Variants in PYGB observed in about 807,000 individuals in gnomAD.
PYGB encodes glycogen phosphorylase, brain form.
In PYGB, 82 loss-of-function variants were observed where a neutral mutation model predicts 94.3. The ratio of observed to expected loss-of-function variants is 0.87; its 90% CI spans 0.73 to 1.04. The LOEUF (loss-of-function observed/expected upper bound fraction) is 1.04. Ranked by LOEUF, PYGB falls within the 50% of genes least tolerant of loss-of-function variation. PYGB has a pLI of 0.00. For missense variants in PYGB, 1,132 were observed against 1,158.2 expected (o/e 0.98, Z 0.33); for synonymous variants, 488 against 479.1 (o/e 1.02, Z -0.24).
intron 15 of PYGB, 76 bp from the exon 16 acceptor site, chr20:25,290,405 C>T (rs2088455719): frequency 1.9e-6 from 3 of 1,549,272 alleles, no homozygotes; most frequent in East Asian, 2.3e-5. Flanking sequence ...CCCCTACAGA[C>T]CCCAGGAACC....
At chr20:25,289,056 C>T (rs1380006998) in intron 15 of PYGB, among the ~76,000 whole-genome samples, 2 of 152,198 alleles carry the variant, frequency 1.3e-5, no homozygotes, top group Admixed American at 1.3e-4. Context: ...CTAAGTGAGT[C>T]TGGACTGTGT....
At position 25,297,517 on chromosome 20, in the gene PYGB, C is replaced by G. The variant is rs2145908727; in HGVS notation, c.*995C>G. ...CTTTCCACCAGTGCCACAGCCTCGT[C>G]TGGAAAAAGGACCAGGGGTCCCGGA... On this transcript the variant is annotated 3_prime_UTR_variant, in exon 20 of 20. Coordinates refer to ENST00000216962, the MANE Select transcript of PYGB (RefSeq NM_002862.4). 1 of 152,484 alleles carries G rather than the reference C, an allele frequency of 6.6e-6. No individual in the cohort carries two copies. The highest frequency in any genetic ancestry group is 1.5e-5 in the Non-Finnish European group (1 of 68,138). The allele number at this position is 152,484 out of a possible 1,614,324, so 9.4% of individuals were successfully genotyped here.
rs145322755 is a variant in PYGB, at chr20:25,278,890, C to T, written c.1000-167C>T. On this transcript the variant is annotated intron_variant, in intron 8 of 19. Coordinates refer to ENST00000216962, the MANE Select transcript of PYGB (RefSeq NM_002862.4). Reference sequence around the variant, plus strand: ...GCGCACACCTGCCACAGTGCGAGCCCGACTGTCCTCCCTGCTCCCTCCACA... The same window carrying T: ...GCGCACACCTGCCACAGTGCGAGCCTGACTGTCCTCCCTGCTCCCTCCACA... Among the ~76,000 whole-genome samples the T allele has an allele frequency of 1.8e-3, 271 of 151,408 alleles. 1 individual carries two copies. The highest frequency in any genetic ancestry group is 6.3e-3 in the African/African-American group (261 of 41,360).
At position 25,283,772 on chromosome 20, in the gene PYGB, TCTC is replaced by T. The variant is rs1256049546; in HGVS notation, c.1621-329_1621-327del. On this transcript the variant is annotated intron_variant, in intron 13 of 19. Transcript: ENST00000216962. ...CCTCCTCATAGAGGCCAGAACTAGT[TCTC>T]CTTGTAGTCCTTTCAGCCGTCCCGC... 2.6e-5 allele frequency among the ~76,000 whole-genome samples: 4 copies of T among 152,242 alleles called. No homozygotes were observed. The East Asian group carries it at 5.8e-4, about 22-fold the overall frequency.
At chr20:25,281,596 CG>C (rs1339139323) in intron 11 of PYGB, among the ~76,000 whole-genome samples, 1 of 152,350 alleles carries the variant, frequency 6.6e-6, no homozygotes, top group African/African-American at 2.4e-5. Flanking sequence ...CCGGCGGGAG[CG>C]GAGGCTGTGC....
intron 1 of PYGB, among the ~76,000 whole-genome samples, chr20:25,249,778 A>T (rs1295162800): frequency 6.6e-6 from 1 of 152,186 alleles, no homozygotes; most frequent in Non-Finnish European, 1.5e-5. Context: ...TGACTTTGCC[A>T]GGAAAAGCAG....
At chr20:25,285,948 G>A (rs534963691) in intron 14 of PYGB, among the ~76,000 whole-genome samples, 2 of 152,176 alleles carry the variant, frequency 1.3e-5, no homozygotes, top group Non-Finnish European at 2.9e-5. Flanking sequence ...AAACGGCCTG[G>A]ACCCTTCACC....
At chr20:25,272,316 T>G (rs967092030) in intron 4 of PYGB, among the ~76,000 whole-genome samples, 2 of 151,972 alleles carry the variant, frequency 1.3e-5, no homozygotes, top group Non-Finnish European at 2.9e-5. Context: ...ATCCTTGGGG[T>G]GGGAGTGGCA....
At position 25,297,523 on chromosome 20, in the gene PYGB, A is replaced by G. The variant is rs1276997149; in HGVS notation, c.*1001A>G. 6.6e-6 allele frequency: 1 copy of G among 152,348 alleles called. No individual in the cohort carries two copies. Among genetic ancestry groups the G allele is most frequent in the Non-Finnish European group, 1.5e-5 (1 of 68,132 alleles). 9.4% of individuals were successfully genotyped at this position (152,348 alleles called of 1,614,324 possible). On this transcript the variant is annotated 3_prime_UTR_variant, in exon 20 of 20. Coordinates refer to ENST00000216962, the MANE Select transcript of PYGB (RefSeq NM_002862.4). Reference sequence around the variant, plus strand: ...ACCAGTGCCACAGCCTCGTCTGGAAAAAGGACCAGGGGTCCCGGAGGAACC... The same window carrying G: ...ACCAGTGCCACAGCCTCGTCTGGAAGAAGGACCAGGGGTCCCGGAGGAACC...
chr20:25,248,148 C>G lies in PYGB; in HGVS notation c.-31C>G, dbSNP rs2092875844. The G allele has an allele frequency of 6.4e-7, 1 of 1,564,800 alleles. No homozygotes were observed. On this transcript the variant is annotated 5_prime_UTR_variant, in exon 1 of 20. Transcript: ENST00000216962. ...TCGCGTGTGCCGCCGCTTTCCTCCT[C>G]CATCTCTTTTCCTCCGCCTCCGCCG... is the stretch of plus-strand genomic sequence containing the variant.
At chr20:25,257,307 C>T (rs1265488891) in intron 1 of PYGB, among the ~76,000 whole-genome samples, 1 of 152,220 alleles carries the variant, frequency 6.6e-6, no homozygotes, top group African/African-American at 2.4e-5. Flanking sequence ...GCCTTGGGGG[C>T]TGTGCTTCAG....
intron 17 of PYGB, 29 bp from the exon 18 acceptor site, chr20:25,294,129 C>T (rs761242811): frequency 6.2e-7 from 1 of 1,610,360 alleles, no homozygotes; most frequent in Non-Finnish European, 8.5e-7. Context: ...GGGGCGCTGG[C>T]TGCTGACTCC....
chr20:25,277,645 T>C (rs1205461111), intron 7 of PYGB, among the ~76,000 whole-genome samples: 2 of 152,198 alleles, frequency 1.3e-5, no homozygotes, highest in South Asian at 4.1e-4. Flanking sequence ...CTGGAGCCCG[T>C]CAGCCCTCCA....
chr20:25,274,587 T>C lies in PYGB; in HGVS notation c.529-5T>C. 1 of 1,612,502 alleles carries C rather than the reference T, an allele frequency of 6.2e-7. No individual in the cohort carries two copies. Among genetic ancestry groups the C allele is most frequent in the Middle Eastern group, 1.7e-4 (1 of 6,050 alleles). ...AGGGTGCCCTCACAGCTGGCTTCTTTCCAGGTAGAGGAGGCCGATGACTGG... is the reference window on the plus strand; with the variant it reads ...AGGGTGCCCTCACAGCTGGCTTCTTCCCAGGTAGAGGAGGCCGATGACTGG... On this transcript the variant is annotated splice_polypyrimidine_tract_variant and splice_region_variant and intron_variant, in intron 4 of 19. Transcript: ENST00000216962.
intron 1 of PYGB, among the ~76,000 whole-genome samples, chr20:25,258,031 G>C (rs1414954209): frequency 6.6e-6 from 1 of 152,154 alleles, no homozygotes; most frequent in Non-Finnish European, 1.5e-5. Context: ...TTATGCTGCT[G>C]TAATTCCTGT....
In PYGB at chr20:25,276,707, C is replaced by G; in HGVS notation, c.722C>G (p.Thr241Ser). ...VPGYKNNTVN[T>S]MRLWSAKAPN... ...GGCTACAAGAACAACACCGTCAACA[C>G]CATGCGGCTGTGGTCCGCCAAGGCT... The change falls in exon 6 of 20, where the codon ACC becomes AGC. Residue 241 changes from threonine to serine, a missense_variant. Physicochemically the swap from Thr to Ser is moderately conservative, Grantham distance 58. Transcript: ENST00000216962. 6.2e-7 allele frequency: 1 copy of G among 1,614,032 alleles called. No individual in the cohort carries two copies. Among genetic ancestry groups the G allele is most frequent in the Non-Finnish European group, 8.5e-7 (1 of 1,179,920 alleles).
Position 25,278,432 on chromosome 20 carries a change from G to C in PYGB, c.969G>C (p.Val323=). ...KSSKFGCRDP[V]RTCFETFPDK... is the part of the protein sequence containing the mutation. ...CCAAGTTCGGCTGCCGGGACCCTGT[G>C]AGAACCTGTTTCGAGACGTTCCCAG... is the stretch of plus-strand genomic sequence containing the variant. Residue 323 remains valine, a synonymous_variant, in exon 8 of 20, where the codon GTG becomes GTC. Transcript: ENST00000216962. The C allele has an allele frequency of 6.2e-7, 1 of 1,614,242 alleles. No individual in the cohort carries two copies. The highest frequency in any genetic ancestry group is 8.5e-7 in the Non-Finnish European group (1 of 1,180,042).
chr20:25,294,216 A>C lies in PYGB; in HGVS notation c.2236A>C (p.Ile746Leu), dbSNP rs746420846. ...LPELKQAVDQ[I>L]SSGFFSPKEP... is the part of the protein sequence containing the mutation. ...CGAGCTGAAGCAGGCCGTGGACCAG[A>C]TCAGCAGTGGCTTTTTTTCTCCCAA... The change falls in exon 18 of 20, where the codon ATC becomes CTC. Residue 746 changes from isoleucine to leucine, a missense_variant. Transcript: ENST00000216962. 10 of 1,613,880 alleles carry C rather than the reference A, an allele frequency of 6.2e-6. No individual in the cohort carries two copies. In the Admixed American group the frequency reaches 1.7e-4, roughly 27 times the overall value.
chr20:25,291,741 C>CACCT (rs1192834467), intron 16 of PYGB, among the ~76,000 whole-genome samples: 1 of 152,092 alleles, frequency 6.6e-6, no homozygotes, highest in Non-Finnish European at 1.5e-5. Flanking sequence ...GGCCTTCAGG[C>CACCT]ACCTGGTCTG....
Sources: gnomAD v4.1 joint callset for allele counts (sites outside exome capture counted in the v4.1 genomes callset) on GRCh38, gnomAD v4.1.1 for gene constraint, MANE v1.5 for transcripts, NCBI Gene and HGNC (gene_info 2026-07-23, HGNC 2026-07-21) for gene names.